PRSS1: variants seen among roughly 807,000 people sequenced by gnomAD.
The protein encoded by PRSS1 is serine protease 1, also known as TCR V beta 4.1.
A neutral mutation model predicts 24.2 loss-of-function variants in PRSS1; 22 were observed. The ratio of observed to expected loss-of-function variants is 0.91; its 90% CI spans 0.65 to 1.30. The LOEUF is 1.30. PRSS1 is among the 50% of genes most tolerant of loss of function. The pLI, the probability that PRSS1 is intolerant of heterozygous loss-of-function variation, is 0.00. For missense variants in PRSS1, 366 were observed against 304.2 expected, an observed-to-expected ratio of 1.20 and a Z score of -1.51; for synonymous variants, 126 against 116.1, an observed-to-expected ratio of 1.08 and a Z score of -0.55.
chr7:142,749,724 TG>T (rs1269513543), intron 1 of PRSS1, among the ~76,000 whole-genome samples, 200 bp downstream of exon 1: 1 of 150,554 alleles, frequency 6.6e-6, no homozygotes, highest in Non-Finnish European at 1.5e-5. Context: ...CTCCCACCAC[TG>T]TCATTCATCC....
chr7:142,753,017 C>G lies in PRSS1; in HGVS notation c.741C>G (p.Ser247Arg). The change falls in exon 5 of 5, where the codon AGC (serine) becomes AGG (arginine). Residue 247 changes from serine to arginine, a missense_variant. Coordinates refer to ENST00000311737, the MANE Select transcript of PRSS1 (RefSeq NM_002769.5). ...KWIKNTIAAN[S>R] Reference sequence around the variant, plus strand: ...TTAAGAACACCATAGCTGCCAATAGCTAAAGCCCCCAGTATCTCTTCAGTC... The same window carrying G: ...TTAAGAACACCATAGCTGCCAATAGGTAAAGCCCCCAGTATCTCTTCAGTC... 6.2e-7 allele frequency: 1 copy of G among 1,613,430 alleles called. No individual in the cohort carries two copies. Among genetic ancestry groups the G allele is most frequent in the Non-Finnish European group, 8.5e-7 (1 of 1,179,602 alleles).
At chr7:142,751,259 A>C (rs1424170014) in intron 2 of PRSS1, 10 of 615,670 alleles carry the variant, frequency 1.6e-5, no homozygotes, top group Non-Finnish European at 2.9e-5. Flanking sequence ...CCCTTCCCCA[A>C]GGTTCTGATC....
chr7:142,751,884 T>C lies in PRSS1; in HGVS notation c.311T>C (p.Leu104Pro), dbSNP rs1554499091. Residue 104 changes from leucine (L) to proline (P), a missense_variant, in exon 3 of 5, where the codon CTG becomes CCG. Transcript: ENST00000311737. ...CACCCCCAATACGACAGGAAGACTCTGAACAATGACATCATGTTAATCAAG... is the reference window on the plus strand; with the variant it reads ...CACCCCCAATACGACAGGAAGACTCCGAACAATGACATCATGTTAATCAAG... The part of the protein sequence containing the change: ...IRHPQYDRKT[L>P]NNDIMLIKLS... 6.2e-7 allele frequency: 1 copy of C among 1,614,092 alleles called. No individual in the cohort carries two copies. Among genetic ancestry groups the C allele is most frequent in the Non-Finnish European group, 8.5e-7 (1 of 1,180,016 alleles).
At position 142,749,535 on chromosome 7, in the gene PRSS1, T is replaced by C. The variant is rs761465973; in HGVS notation, c.40+11T>C. On this transcript the variant is annotated intron_variant, in intron 1 of 4. Transcript: ENST00000311737. ...TTGTGGCAGCTGCTCGTGAGTATCA[T>C]GCCCTGCCTCAGGCCCCAACCACCC... 6 of 1,614,084 alleles carry C rather than the reference T, an allele frequency of 3.7e-6. No individual in the cohort carries two copies. The highest frequency in any genetic ancestry group is 2.2e-5 in the South Asian group (2 of 91,068).
At chr7:142,749,585 CT>C in intron 1 of PRSS1, 61 bp downstream of exon 1, 1 of 1,552,742 alleles carries the variant, frequency 6.4e-7, no homozygotes. Context: ...GACAAATGCC[CT>C]TCCATTCTTA....
At position 142,749,617 on chromosome 7, in the gene PRSS1, G is replaced by A. The variant is rs576803691; in HGVS notation, c.40+93G>A. On this transcript the variant is annotated intron_variant, in intron 1 of 4. Coordinates refer to ENST00000311737, the MANE Select transcript of PRSS1 (RefSeq NM_002769.5). ...TCTTACCACCTCTCCTCTTTTGACT[G>A]TGCTCTGATATTCCGTTTCCTCCAT... 3.3e-6 allele frequency: 5 copies of A among 1,502,266 alleles called. No individual in the cohort carries two copies. The South Asian group carries it at 3.4e-5, about 10-fold the overall frequency. 93.1% of individuals were successfully genotyped at this position (1,502,266 alleles called of 1,614,324 possible).
chr7:142,751,160 G>C (rs1798687854), intron 2 of PRSS1: 1 of 693,396 alleles, frequency 1.4e-6, no homozygotes, highest in South Asian at 1.5e-5. Context: ...TATAGACAGA[G>C]CTGAGAACTG....
At chr7:142,752,748 C>G in intron 4 of PRSS1, 120 bp from the exon 5 acceptor site, 3 of 1,500,284 alleles carry the variant, frequency 2.0e-6, no homozygotes, top group Non-Finnish European at 1.9e-6. Context: ...GAGAATGGGC[C>G]ACCATGAGAA....
At chr7:142,752,347 TC>T in intron 3 of PRSS1, 83 bp from the exon 4 acceptor site, 1 of 1,556,948 alleles carries the variant, frequency 6.4e-7, no homozygotes, top group Non-Finnish European at 8.9e-7. Flanking sequence ...GTGTTCCTCT[TC>T]AGTTTTCCAT....
intron 1 of PRSS1, 105 bp downstream of exon 1, chr7:142,749,629 T>C: frequency 6.9e-7 from 1 of 1,452,232 alleles, no homozygotes; most frequent in Non-Finnish European, 9.7e-7. Flanking sequence ...GCTCTGATAT[T>C]CCGTTTCCTC....
At position 142,749,606 on chromosome 7, in the gene PRSS1, C is replaced by G. The variant is rs188700285; in HGVS notation, c.40+82C>G. The G allele has an allele frequency of 1.7e-5, 26 of 1,512,996 alleles. No individual in the cohort carries two copies. In the South Asian group the frequency reaches 2.9e-4, roughly 17 times the overall value. The allele number at this position is 1,512,996 out of a possible 1,614,324, so 93.7% of individuals were successfully genotyped here. A position where few individuals can be genotyped will look rare whatever the true frequency, so the allele number is the denominator to read the frequency against. On this transcript the variant is annotated intron_variant, in intron 1 of 4. Transcript: ENST00000311737. ...TGCCCTTCCATTCTTACCACCTCTCCTCTTTTGACTGTGCTCTGATATTCC... is the reference window on the plus strand; with the variant it reads ...TGCCCTTCCATTCTTACCACCTCTCGTCTTTTGACTGTGCTCTGATATTCC...
At chr7:142,750,288 G>A (rs1798588433) in intron 1 of PRSS1, among the ~76,000 whole-genome samples, 1 of 152,218 alleles carries the variant, frequency 6.6e-6, no homozygotes, top group Non-Finnish European at 1.5e-5. Flanking sequence ...CCCACTGGAA[G>A]CATTGTGAGG....
chr7:142,750,502 G>T, intron 1 of PRSS1, 53 bp from the exon 2 acceptor site: 2 of 1,612,558 alleles, frequency 1.2e-6, no homozygotes, highest in African/African-American at 1.3e-5. Context: ...GGCTGGGAGC[G>T]CCACCCCTAA....
intron 2 of PRSS1, 132 bp from the exon 3 acceptor site, chr7:142,751,642 C>T (rs559652761): frequency 2.5e-4 from 291 of 1,167,528 alleles, no homozygotes; most frequent in Non-Finnish European, 3.2e-4. Context: ...GCTGCCCATG[C>T]GATATGGCCA....
Position 142,752,486 on chromosome 7 carries a change from G to C in PRSS1, c.510G>C (p.Lys170Asn), listed in dbSNP as rs750427023. 3.7e-6 allele frequency: 6 copies of C among 1,614,068 alleles called. No individual in the cohort carries two copies. In the African/African-American group the frequency reaches 6.7e-5, roughly 18 times the overall value. Reference protein sequence around the residue: ...CLDAPVLSQAKCEASYPGKIT... With the variant: ...CLDAPVLSQANCEASYPGKIT... The stretch of plus-strand genomic sequence containing the variant: ...ATGCTCCTGTGCTGAGCCAGGCTAA[G>C]TGTGAAGCCTCCTACCCTGGAAAGA... The change falls in exon 4 of 5, where the codon AAG (lysine) becomes AAC (asparagine). Residue 170 changes from lysine to asparagine, a missense_variant. Coordinates refer to ENST00000311737, the MANE Select transcript of PRSS1 (RefSeq NM_002769.5).
chr7:142,751,947 C>G lies in PRSS1; in HGVS notation c.374C>G (p.Thr125Ser). ...SRAVINARVSTISLPTAPPAT... is the reference protein window; with the variant it reads ...SRAVINARVSSISLPTAPPAT... The stretch of plus-strand genomic sequence containing the variant: ...GCAGTAATCAACGCCCGCGTGTCCA[C>G]CATCTCTCTGCCCACCGCCCCTCCA... The change falls in exon 3 of 5, where the codon ACC becomes AGC. Residue 125 changes from threonine (T) to serine (S), a missense_variant. Transcript: ENST00000311737. 6.2e-7 allele frequency: 1 copy of G among 1,614,082 alleles called. No homozygotes were observed. Among genetic ancestry groups the G allele is most frequent in the Non-Finnish European group, 8.5e-7 (1 of 1,179,996 alleles).
chr7:142,752,585 T>G lies in PRSS1; in HGVS notation c.591+18T>G. ...CATGTCAGGTGATTTGACCAACCCT[T>G]CCCATGCTGAGGCTCCCACTGATAC... On this transcript the variant is annotated intron_variant, in intron 4 of 4. Transcript: ENST00000311737. The G allele has an allele frequency of 6.2e-7, 1 of 1,614,102 alleles. No homozygotes were observed. Among genetic ancestry groups the G allele is most frequent in the East Asian group, 2.2e-5 (1 of 44,864 alleles).
intron 2 of PRSS1, chr7:142,751,375 C>G (rs1798711044): frequency 3.5e-6 from 2 of 576,322 alleles, no homozygotes; most frequent in Non-Finnish European, 6.2e-6. Context: ...GTGGTTCTCA[C>G]CAGGCCAAGA....
In PRSS1 at chr7:142,752,539, T is replaced by A. The variant is rs1192281478; in HGVS notation, c.563T>A (p.Phe188Tyr). ...ACCAGCAACATGTTCTGTGTGGGCT[T>A]CCTTGAGGGAGGCAAGGATTCATGT... is the stretch of plus-strand genomic sequence containing the variant. ...KITSNMFCVGFLEGGKDSCQG... is the reference protein window; with the variant it reads ...KITSNMFCVGYLEGGKDSCQG... Residue 188 changes from phenylalanine (F) to tyrosine (Y), a missense_variant, in exon 4 of 5, where the codon TTC becomes TAC. By Grantham distance (22) the Phe-to-Tyr change is conservative. Coordinates refer to ENST00000311737, the MANE Select transcript of PRSS1 (RefSeq NM_002769.5). 1.2e-6 allele frequency: 2 copies of A among 1,614,074 alleles called. No individual in the cohort carries two copies. Among genetic ancestry groups the A allele is most frequent in the African/African-American group, 1.3e-5 (1 of 74,956 alleles).
Sources: allele counts gnomAD v4.1 joint callset (sites outside exome capture counted in the v4.1 genomes callset), GRCh38; gene constraint gnomAD v4.1.1; transcripts MANE v1.5; gene names NCBI Gene and HGNC (gene_info 2026-07-23, HGNC 2026-07-21).